Variants in DYNC2I2 observed in about 807,000 individuals in gnomAD.
The protein encoded by DYNC2I2 is dynein 2 intermediate chain 2.
DYNC2I2 carries 39 observed loss-of-function variants against 52.0 expected under a neutral mutation model. That is an observed-to-expected ratio of 0.75 (90% CI 0.58 to 0.98). DYNC2I2 has a LOEUF of 0.98. DYNC2I2 is among the 50% of genes least tolerant of loss of function. DYNC2I2 has a pLI of 0.00. For missense variants in DYNC2I2, 743 were observed against 728.4 expected (o/e 1.02, Z -0.23); for synonymous variants, 359 against 321.1 (o/e 1.12, Z -1.26).
At chr9:128,636,081 T>C in intron 4 of DYNC2I2, 200 bp downstream of exon 4, 1 of 891,540 alleles carries the variant, frequency 1.1e-6, no homozygotes, top group Non-Finnish European at 1.8e-6. Context: ...GCCCCGACCC[T>C]GGCCCCCTTC....
intron 1 of DYNC2I2, among the ~76,000 whole-genome samples, chr9:128,648,287 A>C (rs1368827000): frequency 6.6e-6 from 1 of 151,808 alleles, no homozygotes; most frequent in African/African-American, 2.4e-5. Flanking sequence ...CACGCCTGTA[A>C]CTCCAGCTAT....
rs747220460 is a variant in DYNC2I2 at position 128,633,996 on chromosome 9, CAG to C, written c.1373-16_1373-15del. ...GCTGCACGTCACCTGCAAAGAGAGA[CAG>C]ATACGTGGAGTAAGAGAAACTCTAG... On this transcript the variant is annotated splice_polypyrimidine_tract_variant and intron_variant, in intron 8 of 8. Transcript: ENST00000372715. 6.2e-6 allele frequency: 10 copies of C among 1,612,566 alleles called. No individual in the cohort carries two copies. Among genetic ancestry groups the C allele is most frequent in the South Asian group, 3.3e-5 (3 of 91,088 alleles).
At chr9:128,684,079 C>T in the DYNC2I2 span, 2 of 1,250,850 alleles carry the variant, frequency 1.6e-6, no homozygotes, top group Non-Finnish European at 1.1e-6. Context: ...TTTTTACCCC[C>T]CAATCCCTCT....
intron 5 of DYNC2I2, 105 bp from the exon 6 acceptor site, chr9:128,635,364 C>CG (rs1860376794): frequency 7.2e-7 from 1 of 1,381,996 alleles, no homozygotes; most frequent in Non-Finnish European, 9.7e-7. Flanking sequence ...AAAAATTCTC[C>CG]GGGAGGCCCC....
chr9:128,676,098 G>A, the DYNC2I2 span, among the ~76,000 whole-genome samples: 53 of 152,242 alleles, frequency 3.5e-4, no homozygotes, highest in East Asian at 0.01. Context: ...AGCCTGGGAG[G>A]TGGAGGCTGC....
chr9:128,669,351 C>T, the DYNC2I2 span, among the ~76,000 whole-genome samples: 2 of 151,280 alleles, frequency 1.3e-5, no homozygotes, highest in South Asian at 4.2e-4. Flanking sequence ...GGCGACAGAG[C>T]GAGACTCTGT....
At position 128,636,969 on chromosome 9, in the gene DYNC2I2, G is replaced by C; in HGVS notation, c.494C>G (p.Thr165Ser). ...GCCAGTGGAGTTCCAGGAGATGCTG[G>C]TCACATGCAGACCCTGCGCTTGGGC... ...PPAQAQGLHVTSISWNSTGSV... is the reference protein window; with the variant it reads ...PPAQAQGLHVSSISWNSTGSV... The change falls in exon 3 of 9, where the codon ACC becomes AGC. Residue 165 changes from threonine to serine, a missense_variant. Physicochemically the swap from Thr to Ser is moderately conservative, Grantham distance 58. Transcript: ENST00000372715. 6.2e-7 allele frequency: 1 copy of C among 1,613,496 alleles called. No homozygotes were observed. The highest frequency in any genetic ancestry group is 8.5e-7 in the Non-Finnish European group (1 of 1,180,012).
Position 128,656,680 on chromosome 9 carries a change from G to T in DYNC2I2, c.47C>A (p.Ala16Asp). 1.3e-6 allele frequency: 2 copies of T among 1,503,368 alleles called. No homozygotes were observed. The highest frequency in any genetic ancestry group is 2.4e-5 in the Admixed American group (1 of 42,262). The allele number at this position is 1,503,368 out of a possible 1,614,324, so 93.1% of individuals were successfully genotyped here. A position where few individuals can be genotyped will look rare whatever the true frequency, so the allele number is the denominator to read the frequency against. Reference protein sequence around the residue: ...QPGPLSQAGSAGVAALATVGV... With the variant: ...QPGPLSQAGSDGVAALATVGV... ...GACTGTCGCCAGCGCCGCAACACCA[G>T]CGCTTCCCGCCTGGCTGAGTGGCCC... is the stretch of plus-strand genomic sequence containing the variant. Residue 16 changes from alanine to aspartate, a missense_variant, in exon 1 of 9, where the codon GCT becomes GAT. By Grantham distance (126) the Ala-to-Asp change is moderately radical. Transcript: ENST00000372715.
the DYNC2I2 span, among the ~76,000 whole-genome samples, chr9:128,665,553 G>T: frequency 6.6e-6 from 1 of 151,376 alleles, no homozygotes; most frequent in African/African-American, 2.4e-5. Flanking sequence ...GTGGATCACC[G>T]GAGGTCAGGA....
chr9:128,658,324 C>G (rs997260283), upstream of DYNC2I2, among the ~76,000 whole-genome samples: 4 of 151,854 alleles, frequency 2.6e-5, no homozygotes, highest in Admixed American at 2.0e-4. Context: ...TGCCACCACA[C>G]TGGGCTAATT....
At chr9:128,652,432 C>CAAAA (rs59498068) in intron 1 of DYNC2I2, among the ~76,000 whole-genome samples, 4 of 92,872 alleles carry the variant, frequency 4.3e-5, no homozygotes, top group South Asian at 3.3e-4. Context: ...AACTTCATCT[C>CAAAA]AAAAAAAAAA....
At chr9:128,648,156 C>T (rs1323356805) in intron 1 of DYNC2I2, among the ~76,000 whole-genome samples, 1 of 152,152 alleles carries the variant, frequency 6.6e-6, no homozygotes, top group Admixed American at 6.6e-5. Context: ...CACCTGTAAC[C>T]TTAGCACTTT....
Position 128,633,914 on chromosome 9 carries a change from C to G in DYNC2I2, c.1441G>C (p.Asp481His). Reference protein sequence around the residue: ...KPTVLIKQTQDESPVYCLEFN... With the variant: ...KPTVLIKQTQHESPVYCLEFN... ...TCCAGACAGTAGACAGGGCTTTCATCCTGGGTTTGCTTGATCAAAACTGTG... is the reference window on the plus strand; with the variant it reads ...TCCAGACAGTAGACAGGGCTTTCATGCTGGGTTTGCTTGATCAAAACTGTG... Residue 481 changes from aspartate to histidine, a missense_variant, in exon 9 of 9, where the codon GAT (aspartate) becomes CAT (histidine). Coordinates refer to ENST00000372715, the MANE Select transcript of DYNC2I2 (RefSeq NM_052844.4). 1.2e-6 allele frequency: 2 copies of G among 1,613,296 alleles called. No individual in the cohort carries two copies. Among genetic ancestry groups the G allele is most frequent in the Non-Finnish European group, 1.7e-6 (2 of 1,180,038 alleles).
At chr9:128,667,972 T>C in the DYNC2I2 span, among the ~76,000 whole-genome samples, 1 of 127,900 alleles carries the variant, frequency 7.8e-6, no homozygotes, top group Admixed American at 7.5e-5. Flanking sequence ...TTTTTTTTTT[T>C]TTTTTTTGAG....
upstream of DYNC2I2, among the ~76,000 whole-genome samples, chr9:128,659,511 A>C (rs113227524): frequency 0.029 from 4,251 of 147,738 alleles, 229 homozygotes; most frequent in African/African-American, 0.1. Context: ...AAAAAAAAAA[A>C]CACACACACA....
chr9:128,636,063 C>CAG, intron 4 of DYNC2I2: 1 of 817,848 alleles, frequency 1.2e-6, no homozygotes, highest in Non-Finnish European at 2.1e-6. Context: ...CCACAGCCCC[C>CAG]TGTCCTGGCC....
chr9:128,662,248 G>A, the DYNC2I2 span, among the ~76,000 whole-genome samples: 2 of 150,780 alleles, frequency 1.3e-5, no homozygotes, highest in Non-Finnish European at 3.0e-5. Flanking sequence ...AAAAAAAAAA[G>A]AGCCTGAAAC....
At chr9:128,634,406 G>C in intron 7 of DYNC2I2, 23 bp from the exon 8 acceptor site, 1 of 1,557,886 alleles carries the variant, frequency 6.4e-7, no homozygotes, top group Middle Eastern at 1.8e-4. Flanking sequence ...CAGGGGGCCA[G>C]GCAAGGGAAT....
At chr9:128,680,186 A>G in the DYNC2I2 span, among the ~76,000 whole-genome samples, 1 of 151,030 alleles carries the variant, frequency 6.6e-6, no homozygotes, top group Non-Finnish European at 1.5e-5. Flanking sequence ...TCAGCCTCCC[A>G]AGTAGCTGGG....
Sources: allele counts gnomAD v4.1 joint callset (sites outside exome capture counted in the v4.1 genomes callset), GRCh38; gene constraint gnomAD v4.1.1; transcripts MANE v1.5; gene names NCBI Gene and HGNC (gene_info 2026-07-23, HGNC 2026-07-21).